The following ANP32E variants were observed in gnomAD, a reference collection of about 807,000 sequenced individuals.
ANP32E encodes acidic nuclear phosphoprotein 32 family member E, also known as acidic leucine-rich nuclear phosphoprotein 32 family member E.
Under a neutral mutation model 35.3 loss-of-function variants are expected in ANP32E, and 14 were observed. That is an observed-to-expected ratio of 0.40 (90% CI 0.26 to 0.62). The LOEUF (loss-of-function observed/expected upper bound fraction) is 0.62. ANP32E is among the 20% of genes least tolerant of loss of function. The pLI, the probability that ANP32E is intolerant of heterozygous loss-of-function variation, is 0.45. For missense variants in ANP32E, 198 were observed against 304.4 expected (o/e 0.65, Z 2.60); for synonymous variants, 89 against 110.4 (o/e 0.81, Z 1.22).
At chr1:150,224,288 G>A (rs1648693943) in intron 5 of ANP32E, among the ~76,000 whole-genome samples, 1 of 152,078 alleles carries the variant, frequency 6.6e-6, no homozygotes, top group African/African-American at 2.4e-5. Context: ...AAAAGGAAAA[G>A]GTGGGGCCAG....
chr1:150,230,226 T>C (rs587733819), intron 3 of ANP32E, among the ~76,000 whole-genome samples: 1 of 152,136 alleles, frequency 6.6e-6, no homozygotes, highest in African/African-American at 2.4e-5. Flanking sequence ...CATGTCAGTT[T>C]TTCTTTTCCT....
intron 4 of ANP32E, 42 bp from the exon 5 acceptor site, chr1:150,226,837 T>C: frequency 1.3e-6 from 2 of 1,563,742 alleles, no homozygotes; most frequent in Non-Finnish European, 1.7e-6. Flanking sequence ...ACTGGGTAAA[T>C]GTTTCTTCCT....
chr1:150,225,665 T>TAA (rs1553839622), intron 5 of ANP32E, among the ~76,000 whole-genome samples: 4 of 83,548 alleles, frequency 4.8e-5, no homozygotes, highest in East Asian at 4.0e-4. Flanking sequence ...AGTGAGACTG[T>TAA]AACAAAAAAA....
At position 150,222,794 on chromosome 1, in the gene ANP32E, TA is replaced by T. The variant is rs1648537556; in HGVS notation, c.736+391del. Reference sequence around the variant, plus strand: ...AAAAATATATATATATATAAATTTTTAAAGGCCTGGAAAACAAATCTAAAAA... The same window carrying T: ...AAAAATATATATATATATAAATTTTTAAGGCCTGGAAAACAAATCTAAAAA... On this transcript the variant is annotated intron_variant, in intron 6 of 6. Coordinates refer to ENST00000583931, the MANE Select transcript of ANP32E (RefSeq NM_030920.5). 2.6e-5 allele frequency among the ~76,000 whole-genome samples: 4 copies of T among 151,554 alleles called. No homozygotes were observed. The South Asian group carries it at 8.3e-4, about 31-fold the overall frequency.
Position 150,235,324 on chromosome 1 carries a change from G to T in ANP32E, c.54+409C>A, listed in dbSNP as rs587658749. Among the ~76,000 whole-genome samples, 1 of 152,350 alleles carries T rather than the reference G, an allele frequency of 6.6e-6. No homozygotes were observed. The highest frequency in any genetic ancestry group is 2.1e-4 in the South Asian group (1 of 4,826). ...AGTTGGCCGCACTGCAGAAAAGTTG[G>T]ACTAACTTCTCAGGCGCCTATGGCT... is the stretch of plus-strand genomic sequence containing the variant. On this transcript the variant is annotated intron_variant, in intron 1 of 6. Transcript: ENST00000583931. The surrounding 1 kb of genome is among the most constrained non-coding windows in gnomAD (Gnocchi z 4.2).
chr1:150,232,803 C>A (rs2101795085), intron 1 of ANP32E, among the ~76,000 whole-genome samples: 1 of 152,206 alleles, frequency 6.6e-6, no homozygotes, highest in African/African-American at 2.4e-5. Flanking sequence ...GACTAAAGTT[C>A]AATGCCTGCT....
At chr1:150,230,747 T>TTTTG in intron 2 of ANP32E, 54 bp from the exon 3 acceptor site, 1 of 1,324,938 alleles carries the variant, frequency 7.5e-7, no homozygotes, top group East Asian at 2.7e-5. Flanking sequence ...CATATCAAAC[T>TTTTG]TTTTTTTTTT....
In ANP32E at chr1:150,235,159, G is replaced by A. The variant is rs1014258410; in HGVS notation, c.54+574C>T. On this transcript the variant is annotated intron_variant, in intron 1 of 6. Coordinates refer to ENST00000583931, the MANE Select transcript of ANP32E (RefSeq NM_030920.5). The surrounding 1 kb of genome is among the most constrained non-coding windows in gnomAD (Gnocchi z 4.2). Reference sequence around the variant, plus strand: ...TTCCGCCGGGCGAAGGGCAGAGGGCGGCGCGCGCGGCTTCCCGGAGGAGTG... The same window carrying A: ...TTCCGCCGGGCGAAGGGCAGAGGGCAGCGCGCGCGGCTTCCCGGAGGAGTG... Among the ~76,000 whole-genome samples, 12 of 152,218 alleles carry A rather than the reference G, an allele frequency of 7.9e-5. No individual in the cohort carries two copies. The East Asian group carries it at 2.3e-3, about 29-fold the overall frequency.
At chr1:150,231,508 T>C (rs984447929) in intron 2 of ANP32E, among the ~76,000 whole-genome samples, 1 of 68,830 alleles carries the variant, frequency 1.5e-5, no homozygotes, top group Non-Finnish European at 2.6e-5. Flanking sequence ...GGTGGGAGGA[T>C]GCTTGAGCTC....
Position 150,231,730 on chromosome 1 carries a change from T to G in ANP32E, c.204+47A>C, listed in dbSNP as rs149106860. 65 of 1,535,160 alleles carry G rather than the reference T, an allele frequency of 4.2e-5. No homozygotes were observed. The East Asian group carries it at 1.4e-3, about 32-fold the overall frequency. On this transcript the variant is annotated intron_variant, in intron 2 of 6. Transcript: ENST00000583931. Reference sequence around the variant, plus strand: ...TCCATTTGGCCAAACACTAGACATATAGCCGTGGCATTGAAATCATGATGC... The same window carrying G: ...TCCATTTGGCCAAACACTAGACATAGAGCCGTGGCATTGAAATCATGATGC...
chr1:150,231,913 A>G lies in ANP32E; in HGVS notation c.68T>C (p.Val23Ala). The G allele has an allele frequency of 1.9e-6, 3 of 1,611,096 alleles. No individual in the cohort carries two copies. The highest frequency in any genetic ancestry group is 2.5e-6 in the Non-Finnish European group (3 of 1,179,336). Reference protein sequence around the residue: ...NRSPEEVTELVLDNCLCVNGE... With the variant: ...NRSPEEVTELALDNCLCVNGE... The stretch of plus-strand genomic sequence containing the variant: ...ATTGACACACAGGCAATTATCAAGG[A>G]CTAACTCTGTCACCTGTAAGAGGGA... The change falls in exon 2 of 7, where the codon GTC (valine) becomes GCC (alanine). Residue 23 changes from valine (V) to alanine (A), a missense_variant. Val to Ala is a moderately conservative substitution (Grantham distance 64). This residue lies in a region of ANP32E where 35 missense variants were observed against 47.6 expected (regional missense o/e 0.74). Coordinates refer to ENST00000583931, the MANE Select transcript of ANP32E (RefSeq NM_030920.5).
chr1:150,221,586 G>A (rs1479339160), intron 6 of ANP32E, among the ~76,000 whole-genome samples: 1 of 32,096 alleles, frequency 3.1e-5, no homozygotes, highest in Admixed American at 3.6e-4. Flanking sequence ...GGGAGGAAGG[G>A]AGGGAGGGAG....
chr1:150,235,906 C>T lies in ANP32E; in HGVS notation c.-120G>A. On this transcript the variant is annotated 5_prime_UTR_variant, in exon 1 of 7. Transcript: ENST00000583931. This position sits in a 1 kb window ranked among gnomAD's most constrained non-coding sequence, Gnocchi z 4.2. The stretch of plus-strand genomic sequence containing the variant: ...ATGAAAAGGAACGCAAATATAAACG[C>T]CCACTACCACCACCAGATAGGTGTG... 2 of 683,308 alleles carry T rather than the reference C, an allele frequency of 2.9e-6. No homozygotes were observed. Among genetic ancestry groups the T allele is most frequent in the Non-Finnish European group, 5.2e-6 (2 of 385,416 alleles). 42.3% of individuals were successfully genotyped at this position (683,308 alleles called of 1,614,324 possible). A position where few individuals can be genotyped will look rare whatever the true frequency, so the allele number is the denominator to read the frequency against.
intron 4 of ANP32E, among the ~76,000 whole-genome samples, chr1:150,228,417 C>T (rs996835499): frequency 5.9e-5 from 9 of 152,114 alleles, no homozygotes; most frequent in African/African-American, 1.9e-4. Context: ...CGGGCCGGGG[C>T]GTGGTGGCTC....
intron 3 of ANP32E, among the ~76,000 whole-genome samples, chr1:150,230,360 T>A (rs1649260891): frequency 6.6e-6 from 1 of 152,120 alleles, no homozygotes; most frequent in Non-Finnish European, 1.5e-5. Flanking sequence ...GATAGTCAAC[T>A]CCTGAAGTTG....
Position 150,231,936 on chromosome 1 carries a change from G to A in ANP32E, c.55-10C>T. The A allele has an allele frequency of 1.2e-6, 2 of 1,607,492 alleles. No homozygotes were observed. Among genetic ancestry groups the A allele is most frequent in the Non-Finnish European group, 1.7e-6 (2 of 1,178,210 alleles). ...GGACTAACTCTGTCACCTGTAAGAG[G>A]GAAAACATTAATTAATGATTCTTTA... is the stretch of plus-strand genomic sequence containing the variant. On this transcript the variant is annotated splice_polypyrimidine_tract_variant and intron_variant, in intron 1 of 6. Transcript: ENST00000583931.
At chr1:150,232,399 T>C (rs1344361797) in intron 1 of ANP32E, among the ~76,000 whole-genome samples, 1 of 149,786 alleles carries the variant, frequency 6.7e-6, no homozygotes, top group Non-Finnish European at 1.5e-5. Context: ...CTTACACGGA[T>C]CCTTTTCATT....
At chr1:150,233,419 A>G (rs587601027) in intron 1 of ANP32E, among the ~76,000 whole-genome samples, 32 of 152,256 alleles carry the variant, frequency 2.1e-4, no homozygotes, top group Admixed American at 1.9e-3. Context: ...TCTTCTGGGA[A>G]CAGCCCAGAG....
At chr1:150,221,533 AAGGGAGGG>A (rs1293280396) in intron 6 of ANP32E, among the ~76,000 whole-genome samples, 6,086 of 33,388 alleles carry the variant, frequency 0.18, 754 homozygotes, top group East Asian at 0.39. Flanking sequence ...GAGTGGGAGG[AAGGGAGGG>A]AGGGAGGGAG....
Sources: allele counts gnomAD v4.1 joint callset (sites outside exome capture counted in the v4.1 genomes callset), GRCh38; gene constraint gnomAD v4.1.1; regional missense constraint gnomAD v4.1.1; non-coding constraint Gnocchi (gnomAD v3.1); transcripts MANE v1.5; gene names NCBI Gene and HGNC (gene_info 2026-07-23, HGNC 2026-07-21).